MFAP3L: variants seen among roughly 807,000 people sequenced by gnomAD.
The protein encoded by MFAP3L is microfibril associated protein 3 like.
Under a neutral mutation model 20.0 loss-of-function variants are expected in MFAP3L, and 5 were observed. The ratio of observed to expected loss-of-function variants is 0.25; its 90% CI spans 0.13 to 0.53. The LOEUF is 0.53. Among genes scored for constraint, MFAP3L ranks in the 20% least tolerant of loss-of-function variants. The pLI is 0.96. For synonymous variants in MFAP3L, 219 were observed against 213.0 expected, an observed-to-expected ratio of 1.03 and a Z score of -0.25; for missense variants, 409 against 527.5, an observed-to-expected ratio of 0.78 and a Z score of 2.20.
At chr4:169,997,753 G>A (rs914646783) in intron 2 of MFAP3L, 51 of 984,418 alleles carry the variant, frequency 5.2e-5, no homozygotes, top group Non-Finnish European at 5.7e-5. Context: ...ACAACTCACC[G>A]CAGCCTGGAT....
At position 169,992,257 on chromosome 4, in the gene MFAP3L, G is replaced by A. The variant is rs927521972; in HGVS notation, c.351C>T (p.Phe117=). The change falls in exon 3 of 3, where the codon TTC becomes TTT. Residue 117 remains phenylalanine (F), a synonymous_variant. Coordinates refer to ENST00000361618, the MANE Select transcript of MFAP3L (RefSeq NM_021647.8). The surrounding 1 kb of genome is among the most constrained non-coding windows in gnomAD (Gnocchi z 4.3). ...SGLLNITKVS[F]SDRGKYTCVA... ...CACACGTGTATTTACCTCGGTCTGA[G>A]AAGGATACCTTGGTGATGTTCAGGA... 1 of 1,613,950 alleles carries A rather than the reference G, an allele frequency of 6.2e-7. No homozygotes were observed. The highest frequency in any genetic ancestry group is 8.5e-7 in the Non-Finnish European group (1 of 1,179,922).
chr4:170,020,715 CAGT>C (rs1405777801), intron 1 of MFAP3L, among the ~76,000 whole-genome samples: 2 of 150,854 alleles, frequency 1.3e-5, no homozygotes, highest in Non-Finnish European at 3.0e-5. Flanking sequence ...CCTCAACTCC[CAGT>C]AGTTCCCCAC....
intron 2 of MFAP3L, 105 bp downstream of exon 2, chr4:170,005,475 G>A: frequency 1.6e-6 from 2 of 1,245,850 alleles, no homozygotes; most frequent in Non-Finnish European, 2.2e-6. Flanking sequence ...AAGACAAGAT[G>A]AGATCTTTAA....
rs1738685593 is a variant in MFAP3L at position 170,002,255 on chromosome 4, GGA to G, written c.298+3323_298+3324del. On this transcript the variant is annotated intron_variant, in intron 2 of 2. Coordinates refer to ENST00000361618, the MANE Select transcript of MFAP3L (RefSeq NM_021647.8). ...AAGGATGATGTGGTGGGGCACAGAG[GGA>G]GAATGAATACCCGCTGGCCACACTC... The G allele has an allele frequency of 1.1e-5, 11 of 985,190 alleles. No individual in the cohort carries two copies. In the African/African-American group the frequency reaches 1.2e-4, roughly 11 times the overall value. The allele number at this position is 985,190 out of a possible 1,614,324, so 61.0% of individuals were successfully genotyped here.
intron 2 of MFAP3L, among the ~76,000 whole-genome samples, chr4:170,004,680 G>A (rs188292228): frequency 1.3e-5 from 2 of 152,292 alleles, no homozygotes; most frequent in Admixed American, 1.3e-4. Context: ...TAAAATGTAG[G>A]TTTTCCTGGA....
rs1297007993 is a variant in MFAP3L at position 169,987,817 on chromosome 4, T to C, written c.*3561A>G. 6.6e-6 allele frequency: 1 copy of C among 152,224 alleles called. No homozygotes were observed. Among genetic ancestry groups the C allele is most frequent in the Non-Finnish European group, 1.5e-5 (1 of 68,030 alleles). The allele number at this position is 152,224 out of a possible 1,614,324, so 9.4% of individuals were successfully genotyped here. ...TATCAGTCCATTAAAATAATTTACA[T>C]AGCCATAGGTAAATTCATCCAGTCT... On this transcript the variant is annotated 3_prime_UTR_variant, in exon 3 of 3. Coordinates refer to ENST00000361618, the MANE Select transcript of MFAP3L (RefSeq NM_021647.8).
At position 170,005,759 on chromosome 4, in the gene MFAP3L, T is replaced by C. The variant is rs753611160; in HGVS notation, c.119A>G (p.Asn40Ser). 6 of 1,614,128 alleles carry C rather than the reference T, an allele frequency of 3.7e-6. No homozygotes were observed. The highest frequency in any genetic ancestry group is 1.1e-5 in the South Asian group (1 of 91,092). ...SVTNSTLNGTNVVLGSVPVII... is the reference protein window; with the variant it reads ...SVTNSTLNGTSVVLGSVPVII... ...TACGGGCACAGAGCCCAAGACCACGTTAGTGCCATTTAAAGTGCTGTTAGT... is the reference window on the plus strand; with the variant it reads ...TACGGGCACAGAGCCCAAGACCACGCTAGTGCCATTTAAAGTGCTGTTAGT... The change falls in exon 2 of 3, where the codon AAC becomes AGC. Residue 40 changes from asparagine (N) to serine (S), a missense_variant. Coordinates refer to ENST00000361618, the MANE Select transcript of MFAP3L (RefSeq NM_021647.8).
At position 169,991,281 on chromosome 4, in the gene MFAP3L, G is replaced by C. The variant is rs1737642140; in HGVS notation, c.*97C>G. 1.6e-6 allele frequency: 2 copies of C among 1,288,204 alleles called. No individual in the cohort carries two copies. Among genetic ancestry groups the C allele is most frequent in the Non-Finnish European group, 2.1e-6 (2 of 933,956 alleles). 79.8% of individuals were successfully genotyped at this position (1,288,204 alleles called of 1,614,324 possible). On this transcript the variant is annotated 3_prime_UTR_variant, in exon 3 of 3. Transcript: ENST00000361618. The surrounding 1 kb of genome is among the most constrained non-coding windows in gnomAD (Gnocchi z 4.9). The stretch of plus-strand genomic sequence containing the variant: ...CATCACTCCTACCTAAGGGATGAGA[G>C]TCTCCTGGTAAGGCTTAGCGGCAAG...
intron 2 of MFAP3L, chr4:170,003,715 C>CT: frequency 1.0e-6 from 1 of 985,444 alleles, no homozygotes; most frequent in Non-Finnish European, 1.2e-6. Context: ...GGTCTTGGGT[C>CT]TTTCTTCCCT....
intron 2 of MFAP3L, chr4:170,001,918 A>G: frequency 1.4e-5 from 13 of 921,490 alleles, no homozygotes; most frequent in South Asian, 5.0e-5. Flanking sequence ...AAATAGCCCC[A>G]TTCTCTCTGG....
rs1739479007 is a variant in MFAP3L at position 170,012,985 on chromosome 4, AC to A, written c.-133-6976del. On this transcript the variant is annotated intron_variant, in intron 1 of 2. Coordinates refer to ENST00000361618, the MANE Select transcript of MFAP3L (RefSeq NM_021647.8). ...ATTTTTTTTTTGATACACAGAAGGC[AC>A]GTACTTTTTCAAAAACTGATCTGGG... 1.3e-5 allele frequency among the ~76,000 whole-genome samples: 2 copies of A among 152,146 alleles called. 1 individual carries two copies. The highest frequency in any genetic ancestry group is 4.1e-4 in the South Asian group (2 of 4,832).
At chr4:170,006,115 CTT>C (rs11383582) in intron 1 of MFAP3L, 105 bp from the exon 2 acceptor site, 7,545 of 594,482 alleles carry the variant, frequency 0.013, no homozygotes, top group South Asian at 0.018. Context: ...CATCAACATA[CTT>C]TTTTTTTTTT....
At position 169,990,319 on chromosome 4, in the gene MFAP3L, C is replaced by T. The variant is rs1217396479; in HGVS notation, c.*1059G>A. 2 of 152,246 alleles carry T rather than the reference C, an allele frequency of 1.3e-5. No homozygotes were observed. Among genetic ancestry groups the T allele is most frequent in the Non-Finnish European group, 2.9e-5 (2 of 68,044 alleles). 9.4% of individuals were successfully genotyped at this position (152,246 alleles called of 1,614,324 possible). A position where few individuals can be genotyped will look rare whatever the true frequency, so the allele number is the denominator to read the frequency against. ...AACCTTTCGCTTTCCTCTTTAAGGA[C>T]AACCAAGTCAGCTATGCAGTTCATA... On this transcript the variant is annotated 3_prime_UTR_variant, in exon 3 of 3. Coordinates refer to ENST00000361618, the MANE Select transcript of MFAP3L (RefSeq NM_021647.8).
At chr4:169,996,286 G>C (rs552644020) in intron 2 of MFAP3L, among the ~76,000 whole-genome samples, 52 of 152,160 alleles carry the variant, frequency 3.4e-4, no homozygotes, top group Non-Finnish European at 6.3e-4. Context: ...CAACAAAGCT[G>C]ACATTTGTAG....
Position 169,991,126 on chromosome 4 carries a change from TG to T in MFAP3L, c.*251del, listed in dbSNP as rs1737629744. 3.8e-6 allele frequency: 2 copies of T among 527,214 alleles called. No individual in the cohort carries two copies. Among genetic ancestry groups the T allele is most frequent in the South Asian group, 5.6e-5 (2 of 35,458 alleles). 32.7% of individuals were successfully genotyped at this position (527,214 alleles called of 1,614,324 possible). A position where few individuals can be genotyped will look rare whatever the true frequency, so the allele number is the denominator to read the frequency against. On this transcript the variant is annotated 3_prime_UTR_variant, in exon 3 of 3. Transcript: ENST00000361618. This position sits in a 1 kb window ranked among gnomAD's most constrained non-coding sequence, Gnocchi z 4.9. ...AAGGTATTTGGCAGAGATCAGCCTCTGAAACTCATTATCACATAGACACCTT... is the reference window on the plus strand; with the variant it reads ...AAGGTATTTGGCAGAGATCAGCCTCTAAACTCATTATCACATAGACACCTT...
At chr4:170,012,447 G>T (rs1739441077) in intron 1 of MFAP3L, among the ~76,000 whole-genome samples, 1 of 152,188 alleles carries the variant, frequency 6.6e-6, no homozygotes, top group African/African-American at 2.4e-5. Flanking sequence ...CCCTTGGGCA[G>T]CACTCTGCAC....
chr4:170,009,175 G>T (rs1739223230), intron 1 of MFAP3L, among the ~76,000 whole-genome samples: 1 of 151,992 alleles, frequency 6.6e-6, no homozygotes, highest in Non-Finnish European at 1.5e-5. Context: ...ACGAGGTCAG[G>T]AGTTCGAGAC....
rs1376569758 is a variant in MFAP3L at position 170,002,861 on chromosome 4, A to C, written c.298+2719T>G. The stretch of plus-strand genomic sequence containing the variant: ...TCTTTATTTAAAAAAAAAAACAAAA[A>C]ACAAAACACAAAAAACACCGCTCCA... On this transcript the variant is annotated intron_variant, in intron 2 of 2. Coordinates refer to ENST00000361618, the MANE Select transcript of MFAP3L (RefSeq NM_021647.8). 5.3e-5 allele frequency among the ~76,000 whole-genome samples: 8 copies of C among 152,030 alleles called. No individual in the cohort carries two copies. In the East Asian group the frequency reaches 1.4e-3, roughly 26 times the overall value.
Position 169,994,307 on chromosome 4 carries a change from T to A in MFAP3L, c.299-1998A>T, listed in dbSNP as rs1049787736. ...AGTTTGTTTACCTCCTCCCCATCCGTACCACTTTTTGGAACAGTTATCTGT... is the reference window on the plus strand; with the variant it reads ...AGTTTGTTTACCTCCTCCCCATCCGAACCACTTTTTGGAACAGTTATCTGT... On this transcript the variant is annotated intron_variant, in intron 2 of 2. Transcript: ENST00000361618. 44 of 985,456 alleles carry A rather than the reference T, an allele frequency of 4.5e-5. No homozygotes were observed. In the African/African-American group the frequency reaches 7.0e-4, roughly 16 times the overall value. The allele number at this position is 985,456 out of a possible 1,614,324, so 61.0% of individuals were successfully genotyped here. A position where few individuals can be genotyped will look rare whatever the true frequency, so the allele number is the denominator to read the frequency against.
Sources: gnomAD v4.1 joint callset for allele counts (sites outside exome capture counted in the v4.1 genomes callset) on GRCh38, gnomAD v4.1.1 for gene constraint, Gnocchi (gnomAD v3.1) non-coding constraint, MANE v1.5 for transcripts, NCBI Gene and HGNC (gene_info 2026-07-23, HGNC 2026-07-21) for gene names.